Variants in ZBED6 observed in about 807,000 individuals in gnomAD.
The protein encoded by ZBED6 is zinc finger BED domain-containing protein 6.
ZBED6 carries 40 observed loss-of-function variants against 58.4 expected under a neutral mutation model. That is an observed-to-expected ratio of 0.68 (90% CI 0.53 to 0.89). ZBED6 has a LOEUF of 0.89. Ranked by LOEUF, ZBED6 falls within the 40% of genes least tolerant of loss-of-function variation. The pLI, the probability that ZBED6 is intolerant of heterozygous loss-of-function variation, is 0.00. For synonymous variants in ZBED6, 439 were observed against 350.6 expected (o/e 1.25, Z -2.82); for missense variants, 1,057 against 1,003.9 (o/e 1.05, Z -0.71).
At chr1:203,851,672 C>T (rs1393949127) in intron 16 of ZBED6, among the ~76,000 whole-genome samples, 2 of 151,850 alleles carry the variant, frequency 1.3e-5, no homozygotes, top group Non-Finnish European at 2.9e-5. Flanking sequence ...TATAAAAATG[C>T]TTGGTGCTGG....
chr1:203,809,853 G>T (rs1289438048), intron 1 of ZBED6, among the ~76,000 whole-genome samples: 1 of 151,946 alleles, frequency 6.6e-6, no homozygotes, highest in African/African-American at 2.4e-5. Context: ...ACTCGGGAGG[G>T]TGAGGCAGGA....
intron 3 of ZBED6, among the ~76,000 whole-genome samples, chr1:203,824,635 G>C (rs1175159246): frequency 6.7e-6 from 1 of 148,398 alleles, no homozygotes; most frequent in East Asian, 1.9e-4. Context: ...GCCTCCTTCT[G>C]ATACTGTAAA....
intron 7 of ZBED6, among the ~76,000 whole-genome samples, 182 bp from the exon 8 acceptor site, chr1:203,831,479 C>T (rs1558125708): frequency 6.6e-6 from 1 of 152,018 alleles, no homozygotes; most frequent in Admixed American, 6.6e-5. Flanking sequence ...CACATCATGC[C>T]CAAGGCTCCC....
intron 8 of ZBED6, among the ~76,000 whole-genome samples, chr1:203,832,447 G>A (rs1036211335): frequency 2.0e-5 from 3 of 151,584 alleles, no homozygotes; most frequent in Admixed American, 1.3e-4. Context: ...TGCAACCTCC[G>A]CCTCCCAGGT....
chr1:203,837,011 G>C (rs1226901662), intron 9 of ZBED6, among the ~76,000 whole-genome samples: 1 of 152,116 alleles, frequency 6.6e-6, no homozygotes, highest in Non-Finnish European at 1.5e-5. Flanking sequence ...GACCAGTTAA[G>C]ATTTTTGGGG....
At chr1:203,807,399 C>T (rs778716506) in intron 1 of ZBED6, among the ~76,000 whole-genome samples, 3 of 151,736 alleles carry the variant, frequency 2.0e-5, no homozygotes, top group Non-Finnish European at 4.4e-5. Context: ...CTTCCTCCAG[C>T]GTCAGCCCCC....
Position 203,815,211 on chromosome 1 carries a change from C to CTTTCTTT in ZBED6, c.*2555-1712_*2555-1711insCTTTTTT, listed in dbSNP as rs779729339. The stretch of plus-strand genomic sequence containing the variant: ...GTTATTTCATTATTTTCTTCCTTTT[C>CTTTCTTT]TTTTCTTTTTTTTTTTTTTTTGAGA... On this transcript the variant is annotated intron_variant, in intron 1 of 16. Coordinates refer to ENST00000550078, the Ensembl canonical transcript of ZBED6. Among the ~76,000 whole-genome samples the CTTTCTTT allele has an allele frequency of 6.2e-3, 366 of 59,310 alleles. 20 individuals carry two copies. The highest frequency in any genetic ancestry group is 0.014 in the African/African-American group (303 of 20,908). The allele number at this position is 59,310 out of a possible 152,430, so 38.9% of individuals were successfully genotyped here. A position where few individuals can be genotyped will look rare whatever the true frequency, so the allele number is the denominator to read the frequency against.
chr1:203,820,466 T>TTGTGTGTGTGTGTGTGTGTGTGTGTG (rs144962991), intron 3 of ZBED6, among the ~76,000 whole-genome samples: 6,146 of 136,360 alleles, frequency 0.045, 212 homozygotes, highest in Non-Finnish European at 0.068. Flanking sequence ...ATATCACAAA[T>TTGTGTGTGTGTGTGTGTGTGTGTGTG]TATGTGTGTG....
At chr1:203,850,664 G>A in exon 15 of ZBED6, 2 of 1,613,996 alleles carry the variant, frequency 1.2e-6, no homozygotes, top group Non-Finnish European at 1.7e-6. Context: ...GGAACCCCCA[G>A]CCAAAAAGGC....
intron 3 of ZBED6, among the ~76,000 whole-genome samples, chr1:203,820,987 T>C (rs989243058): frequency 2.6e-5 from 4 of 152,170 alleles, no homozygotes; most frequent in African/African-American, 9.6e-5. Flanking sequence ...TTCCCCGTTA[T>C]TGATGTGAAT....
chr1:203,803,501 CT>C (rs993636467), intron 1 of ZBED6, among the ~76,000 whole-genome samples: 2 of 152,120 alleles, frequency 1.3e-5, no homozygotes, highest in Non-Finnish European at 2.9e-5. Flanking sequence ...CATAGTTTTT[CT>C]TTCTTTGTTT....
At chr1:203,842,924 C>CT (rs35820616) in intron 11 of ZBED6, among the ~76,000 whole-genome samples, 111,636 of 146,710 alleles carry the variant, frequency 0.76, 42,451 homozygotes, top group East Asian at 0.81. Flanking sequence ...AGCCTTCCGT[C>CT]TTTTTTTTTT....
exon 1 of ZBED6, chr1:203,796,477 C>G (rs556616966): frequency 2.5e-6 from 1 of 399,038 alleles, no homozygotes; most frequent in Non-Finnish European, 4.4e-6. Context: ...ATGAAGAACA[C>G]CCCTAAACTC....
At chr1:203,841,380 G>A (rs1459937851) in intron 11 of ZBED6, among the ~76,000 whole-genome samples, 1 of 152,082 alleles carries the variant, frequency 6.6e-6, no homozygotes, top group Non-Finnish European at 1.5e-5. Flanking sequence ...CTGCCTTCAA[G>A]CATCTGTTTA....
chr1:203,849,807 G>A (rs749753739), exon 14 of ZBED6: 1 of 1,613,944 alleles, frequency 6.2e-7, no homozygotes, highest in Non-Finnish European at 8.5e-7. Context: ...GCAGGAGAGG[G>A]AAAAATCAGT....
At chr1:203,837,454 C>CTTTTTTTTT (rs148758453) in intron 9 of ZBED6, among the ~76,000 whole-genome samples, 3 of 143,942 alleles carry the variant, frequency 2.1e-5, no homozygotes, top group African/African-American at 2.5e-5. Context: ...CCTTGTCTCT[C>CTTTTTTTTT]TTTTTTTTTT....
At position 203,828,149 on chromosome 1, in the gene ZBED6, T is replaced by G. The variant is rs1330466081; in HGVS notation, c.*2874-150T>G. 5 of 871,628 alleles carry G rather than the reference T, an allele frequency of 5.7e-6. No homozygotes were observed. The Admixed American group carries it at 1.0e-4, about 18-fold the overall frequency. The allele number at this position is 871,628 out of a possible 1,614,324, so 54.0% of individuals were successfully genotyped here. ...TCCATCATGCCTAAGTTATGTTATT[T>G]TCAGCAATCTCTCTTCCTTCTAAAA... is the stretch of plus-strand genomic sequence containing the variant. On this transcript the variant is annotated intron_variant, in intron 3 of 16. Transcript: ENST00000550078.
At chr1:203,800,472 C>A (rs1316839662) in exon 1 of ZBED6, 21 of 1,470,626 alleles carry the variant, frequency 1.4e-5, no homozygotes, top group Non-Finnish European at 1.7e-5. Context: ...ATTTCTTTTT[C>A]TCCATTTAAA....
chr1:203,830,769 A>G (rs1488807085), intron 7 of ZBED6, among the ~76,000 whole-genome samples: 2 of 151,918 alleles, frequency 1.3e-5, no homozygotes, highest in Admixed American at 6.6e-5. Flanking sequence ...AGATCGCACC[A>G]TTGTATTCCA....
Sources: gnomAD v4.1 joint callset for allele counts (sites outside exome capture counted in the v4.1 genomes callset) on GRCh38, gnomAD v4.1.1 for gene constraint, MANE v1.5 for transcripts, NCBI Gene and HGNC (gene_info 2026-07-23, HGNC 2026-07-21) for gene names.